The following METTL15 variants were observed in gnomAD, a reference collection of about 807,000 sequenced individuals.
METTL15 encodes the protein 12S rRNA N(4)-cytidine methyltransferase METTL15.
A neutral mutation model predicts 38.3 loss-of-function variants in METTL15; 34 were observed. The observed-to-expected ratio is 0.89, with a 90% CI of 0.68 to 1.18. The LOEUF is 1.18. METTL15 is among the 50% of genes most tolerant of loss of function. METTL15 has a pLI of 0.00. For missense variants in METTL15, 438 were observed against 498.4 expected (o/e 0.88, Z 1.15); for synonymous variants, 162 against 170.9 (o/e 0.95, Z 0.41).
chr11:28,201,588 C>T (rs953841839), intron 3 of METTL15, among the ~76,000 whole-genome samples: 9 of 17,100 alleles, frequency 5.3e-4, no homozygotes, highest in African/African-American at 1.8e-3. Context: ...GACTCGACTT[C>T]TTCCTGGTTT....
At chr11:28,274,433 T>C (rs577442509) in intron 4 of METTL15, among the ~76,000 whole-genome samples, 7 of 151,958 alleles carry the variant, frequency 4.6e-5, no homozygotes, top group Non-Finnish European at 8.8e-5. Context: ...GGATGCATCA[T>C]TTCAGTATTC....
chr11:28,412,549 G>C (rs533123513), intron 5 of METTL15, among the ~76,000 whole-genome samples: 2 of 151,856 alleles, frequency 1.3e-5, no homozygotes, highest in South Asian at 4.1e-4. Context: ...ATAATGGAAG[G>C]TTATTCAGCC....
At chr11:28,372,292 T>A (rs1253716802) in intron 5 of METTL15, among the ~76,000 whole-genome samples, 1 of 152,132 alleles carries the variant, frequency 6.6e-6, no homozygotes, top group East Asian at 1.9e-4. Flanking sequence ...GATTTGCATA[T>A]GTTGAACCCT....
chr11:28,213,653 T>C (rs1852735576), intron 4 of METTL15, among the ~76,000 whole-genome samples: 1 of 150,358 alleles, frequency 6.7e-6, no homozygotes, highest in Non-Finnish European at 1.5e-5. Flanking sequence ...GCAATGCCTT[T>C]TTTTCTTTTT....
At chr11:28,373,612 TTTAGTTTAA>T (rs1431813515) in intron 5 of METTL15, among the ~76,000 whole-genome samples, 2 of 152,146 alleles carry the variant, frequency 1.3e-5, no homozygotes, top group Non-Finnish European at 2.9e-5. Context: ...GCAGAAGCTC[TTTAGTTTAA>T]TTAGTTTAAT....
intron 6 of METTL15, among the ~76,000 whole-genome samples, chr11:28,310,138 A>C (rs559295042): frequency 6.6e-6 from 1 of 152,294 alleles, no homozygotes; most frequent in Admixed American, 6.5e-5. Context: ...AGAGTCATGT[A>C]AATTAAATAC....
intron 6 of METTL15, among the ~76,000 whole-genome samples, chr11:28,466,266 A>C (rs1851256145): frequency 6.6e-6 from 1 of 152,240 alleles, no homozygotes; most frequent in South Asian, 2.1e-4. Context: ...CGAACGGCCA[A>C]ATTGGAAGAC....
intron 6 of METTL15, among the ~76,000 whole-genome samples, chr11:28,501,633 A>C (rs2133491185): frequency 6.6e-6 from 1 of 152,320 alleles, no homozygotes; most frequent in Middle Eastern, 3.4e-3. Context: ...TATGACAGAC[A>C]AAAAGAGAAC....
At chr11:28,213,462 G>A (rs977333136) in intron 4 of METTL15, among the ~76,000 whole-genome samples, 4 of 151,656 alleles carry the variant, frequency 2.6e-5, no homozygotes, top group Admixed American at 2.6e-4. Flanking sequence ...CAATTCTCTG[G>A]TAACTTGCAA....
Position 28,453,107 on chromosome 11 carries a change from T to C in METTL15, c.*424+28743T>C, listed in dbSNP as rs534648048. On this transcript the variant is annotated intron_variant and NMD_transcript_variant, in intron 6 of 7. Coordinates refer to the METTL15 transcript ENST00000532947. ...TCAGAGTAAACAATGAGATGCTTTT[T>C]CTTTTTAATACCAGAATCTCCCTAT... Among the ~76,000 whole-genome samples the C allele has an allele frequency of 6.6e-5, 10 of 152,320 alleles. No individual in the cohort carries two copies. In the South Asian group the frequency reaches 1.9e-3, roughly 28 times the overall value.
chr11:28,271,122 A>G (rs1256146848), intron 4 of METTL15, among the ~76,000 whole-genome samples: 2 of 152,132 alleles, frequency 1.3e-5, no homozygotes, highest in East Asian at 3.9e-4. Flanking sequence ...GCATTTTGTC[A>G]TTATTAAACA....
chr11:28,272,059 C>T (rs1042519676), intron 4 of METTL15, among the ~76,000 whole-genome samples: 2 of 152,134 alleles, frequency 1.3e-5, no homozygotes, highest in East Asian at 3.9e-4. Flanking sequence ...ATTAAAAAGT[C>T]AGGAAATAAC....
chr11:28,238,970 T>C (rs922235392), intron 4 of METTL15, among the ~76,000 whole-genome samples: 4 of 152,182 alleles, frequency 2.6e-5, no homozygotes, highest in African/African-American at 9.7e-5. Context: ...ATTTTTTTTT[T>C]CCTATCTGTA....
At chr11:28,455,291 C>G (rs1851158466) in intron 6 of METTL15, among the ~76,000 whole-genome samples, 2 of 125,392 alleles carry the variant, frequency 1.6e-5, no homozygotes, top group Non-Finnish European at 3.2e-5. Flanking sequence ...ATCAATTTAT[C>G]AGTCTTTGGA....
At chr11:28,431,789 T>TAAAA (rs1564929855) in intron 6 of METTL15, among the ~76,000 whole-genome samples, 13 of 9,948 alleles carry the variant, frequency 1.3e-3, no homozygotes, top group Middle Eastern at 0.042. Flanking sequence ...AAAAATAAAT[T>TAAAA]TAAAAAAAAA....
chr11:28,432,918 T>G (rs1377705182), intron 6 of METTL15, among the ~76,000 whole-genome samples: 1 of 95,110 alleles, frequency 1.1e-5, no homozygotes, highest in Non-Finnish European at 2.0e-5. Flanking sequence ...GGTAACCTCC[T>G]TTTTTTCCAC....
chr11:28,355,679 A>G (rs1433353461), intron 4 of METTL15, among the ~76,000 whole-genome samples: 2 of 152,130 alleles, frequency 1.3e-5, no homozygotes, highest in Non-Finnish European at 2.9e-5. Flanking sequence ...ATAGAGGAAG[A>G]TTTGCATAAG....
chr11:28,483,077 T>A (rs1398843469), intron 6 of METTL15, among the ~76,000 whole-genome samples: 3 of 152,050 alleles, frequency 2.0e-5, no homozygotes, highest in East Asian at 1.9e-4. Flanking sequence ...AACCAGGAAC[T>A]GTATTTTTTA....
intron 4 of METTL15, among the ~76,000 whole-genome samples, chr11:28,278,658 T>G (rs2133969341): frequency 6.6e-6 from 1 of 152,340 alleles, no homozygotes; most frequent in South Asian, 2.1e-4. Flanking sequence ...CTTCAGTCCT[T>G]ACCTCTCTCT....
Sources: gnomAD v4.1 joint callset for allele counts (sites outside exome capture counted in the v4.1 genomes callset) on GRCh38, gnomAD v4.1.1 for gene constraint, MANE v1.5 for transcripts, NCBI Gene and HGNC (gene_info 2026-07-23, HGNC 2026-07-21) for gene names.